CACNA1C: variants seen among roughly 807,000 people sequenced by gnomAD.
CACNA1C encodes the protein voltage-dependent L-type calcium channel subunit alpha-1C.
In CACNA1C, 30 loss-of-function variants were observed where a neutral mutation model predicts 229.0. The ratio of observed to expected loss-of-function variants is 0.13; its 90% CI spans 0.10 to 0.18. The LOEUF is 0.18. Among genes scored for constraint, CACNA1C ranks in the 10% least tolerant of loss-of-function variants. The probability of loss-of-function intolerance (pLI) is 1.00; values close to 1 mark genes in which losing one functional copy is unlikely to be tolerated. For synonymous variants in CACNA1C, 1,114 were observed against 1,132.5 expected (o/e 0.98, Z 0.33); for missense variants, 1,658 against 2,845.0 (o/e 0.58, Z 9.49).
intron 3 of CACNA1C, among the ~76,000 whole-genome samples, chr12:2,317,017 T>G (rs1476230365): frequency 1.3e-5 from 2 of 152,162 alleles, no homozygotes; most frequent in African/African-American, 4.8e-5. Flanking sequence ...AGAAAACAAG[T>G]GGTGGCATGG....
At chr12:2,553,760 A>G (rs553889309) in intron 10 of CACNA1C, among the ~76,000 whole-genome samples, 2 of 152,266 alleles carry the variant, frequency 1.3e-5, no homozygotes, top group Non-Finnish European at 2.9e-5. Flanking sequence ...AAAGGGTGAG[A>G]GTGATGGGGA....
intron 3 of CACNA1C, among the ~76,000 whole-genome samples, chr12:2,164,674 A>G (rs1018308314): frequency 3.9e-5 from 6 of 152,228 alleles, no homozygotes; most frequent in Non-Finnish European, 8.8e-5. Flanking sequence ...AGTAGTGTTT[A>G]GAAGCAGAGA....
rs1169473773 is a variant in CACNA1C at position 2,412,316 on chromosome 12, A to G, written c.478-36660A>G. On this transcript the variant is annotated intron_variant, in intron 3 of 46. Transcript: ENST00000399655. ...TCGATAACCTCAGACCTGGCTTCTTAGAGAAACGGGTCAGGCAGTGACGTT... is the reference window on the plus strand; with the variant it reads ...TCGATAACCTCAGACCTGGCTTCTTGGAGAAACGGGTCAGGCAGTGACGTT... Among the ~76,000 whole-genome samples, 7 of 152,368 alleles carry G rather than the reference A, an allele frequency of 4.6e-5. No homozygotes were observed. In the East Asian group the frequency reaches 1.3e-3, roughly 29 times the overall value.
chr12:2,159,031 C>T (rs1458601169), intron 3 of CACNA1C, among the ~76,000 whole-genome samples: 1 of 151,952 alleles, frequency 6.6e-6, no homozygotes, highest in Non-Finnish European at 1.5e-5. Context: ...TAAAAATCAC[C>T]AAGGGGCTAC....
rs1400407155 is a variant in CACNA1C at position 2,053,926 on chromosome 12, GCGTCCGCC to G, written c.49+316_49+323del. Among the ~76,000 whole-genome samples the G allele has an allele frequency of 1.3e-5, 2 of 150,212 alleles. No homozygotes were observed. The highest frequency in any genetic ancestry group is 6.6e-5 in the Admixed American group (1 of 15,116). On this transcript the variant is annotated intron_variant, in intron 1 of 46. Transcript: ENST00000399655. The surrounding 1 kb of genome is among the most constrained non-coding windows in gnomAD (Gnocchi z 5.8). ...GTGGCTGCCGCCGCCTCGCTTTCTC[GCGTCCGCC>G]TGGAGAGCCCGGCTGCCTGGCCAGC...
chr12:2,009,421 T>C (rs546851138), intron 1 of CACNA1C, among the ~76,000 whole-genome samples: 17 of 152,354 alleles, frequency 1.1e-4, no homozygotes, highest in Admixed American at 9.8e-4. Context: ...CATACAAATA[T>C]AGATTGACTA....
chr12:2,177,587 C>CCCTCCCTCCCTCCTTCCTTCCTT (rs750852324), intron 3 of CACNA1C, among the ~76,000 whole-genome samples: 4 of 78,524 alleles, frequency 5.1e-5, no homozygotes, highest in South Asian at 6.4e-4. Context: ...CTCCCTCCCT[C>CCCTCCCTCCCTCCTTCCTTCCTT]CCTTCCTTCC....
intron 1 of CACNA1C, among the ~76,000 whole-genome samples, chr12:2,080,704 G>A (rs1273248143): frequency 1.3e-5 from 2 of 152,082 alleles, no homozygotes; most frequent in African/African-American, 4.8e-5. Context: ...GGGCCCAACT[G>A]TATTTTTAGA....
In CACNA1C at chr12:2,232,245, T is replaced by G. The variant is rs564960918; in HGVS notation, c.477+111815T>G. ...TTTCCTTGTTTTTTTTTTTTTTTTT[T>G]TTTTTTTGTTTGTTTGTTTGTTTGT... On this transcript the variant is annotated intron_variant, in intron 3 of 46. Coordinates refer to ENST00000399655, the MANE Select transcript of CACNA1C (RefSeq NM_000719.7). Among the ~76,000 whole-genome samples the G allele has an allele frequency of 5.6e-4, 82 of 145,340 alleles. 1 individual carries two copies. Among genetic ancestry groups the G allele is most frequent in the South Asian group, 1.2e-3 (5 of 4,294 alleles).
intron 1 of CACNA1C, among the ~76,000 whole-genome samples, chr12:2,042,497 G>T (rs1322816086): frequency 1.3e-5 from 2 of 152,128 alleles, no homozygotes; most frequent in African/African-American, 2.4e-5. Flanking sequence ...TGATCGAAGG[G>T]ATATGTTGTC....
chr12:2,420,102 G>GGTGTGCGTGTGTGTGTGT (rs2098960916), intron 3 of CACNA1C, among the ~76,000 whole-genome samples: 4 of 125,430 alleles, frequency 3.2e-5, no homozygotes, highest in Non-Finnish European at 6.5e-5. Context: ...TAGGCAAAAT[G>GGTGTGCGTGTGTGTGTGT]GTGTGTGTGT....
intron 38 of CACNA1C, among the ~76,000 whole-genome samples, chr12:2,670,219 A>G (rs1213209770): frequency 6.6e-6 from 1 of 152,142 alleles, no homozygotes; most frequent in African/African-American, 2.4e-5. Context: ...GACAAGCAGT[A>G]TGCTTCCTTC....
At chr12:2,556,458 G>T (rs1037361759) in intron 10 of CACNA1C, among the ~76,000 whole-genome samples, 1 of 152,176 alleles carries the variant, frequency 6.6e-6, no homozygotes, top group Non-Finnish European at 1.5e-5. Context: ...TCTTGGGTGG[G>T]GGCTGTTGTG....
chr12:2,160,442 AAG>A (rs2095799286), intron 3 of CACNA1C, among the ~76,000 whole-genome samples: 1 of 152,186 alleles, frequency 6.6e-6, no homozygotes, highest in African/African-American at 2.4e-5. Context: ...CTTTGGCAAA[AAG>A]GGGCCACCAC....
intron 3 of CACNA1C, among the ~76,000 whole-genome samples, chr12:2,425,554 G>A (rs901240906): frequency 2.0e-5 from 3 of 152,146 alleles, no homozygotes; most frequent in African/African-American, 7.2e-5. Flanking sequence ...CTTCTTATTG[G>A]CCATTTGAGA....
At chr12:2,192,607 T>C (rs1242433928) in intron 3 of CACNA1C, among the ~76,000 whole-genome samples, 1 of 152,256 alleles carries the variant, frequency 6.6e-6, no homozygotes, top group East Asian at 1.9e-4. Flanking sequence ...TTCATTAAAG[T>C]TAATTTTCCC....
chr12:2,109,477 C>G (rs777290367), intron 1 of CACNA1C, among the ~76,000 whole-genome samples: 24 of 152,210 alleles, frequency 1.6e-4, no homozygotes, highest in Non-Finnish European at 3.2e-4. Context: ...CTGAGCATGT[C>G]TGAGGCATGA....
intron 5 of CACNA1C, among the ~76,000 whole-genome samples, chr12:2,484,439 A>C (rs1408465903): frequency 1.3e-5 from 2 of 152,290 alleles, no homozygotes; most frequent in South Asian, 2.1e-4. Flanking sequence ...AGGGCCCTGT[A>C]GGGCACAGGA....
intron 9 of CACNA1C, among the ~76,000 whole-genome samples, chr12:2,518,346 C>T (rs1011435125): frequency 7.2e-5 from 11 of 152,146 alleles, no homozygotes; most frequent in African/African-American, 1.4e-4. Context: ...TGGTGGCTCA[C>T]GCCTGTAATC....
Sources: gnomAD v4.1 joint callset for allele counts (sites outside exome capture counted in the v4.1 genomes callset) on GRCh38, gnomAD v4.1.1 for gene constraint, Gnocchi (gnomAD v3.1) non-coding constraint, MANE v1.5 for transcripts, NCBI Gene and HGNC (gene_info 2026-07-23, HGNC 2026-07-21) for gene names.